SLC9B1: variants seen among roughly 807,000 people sequenced by gnomAD.
SLC9B1 encodes sodium/hydrogen exchanger 9B1.
In SLC9B1, 32 loss-of-function variants were observed where a neutral mutation model predicts 51.7. That is an observed-to-expected ratio of 0.62 (90% CI 0.47 to 0.83). The LOEUF (loss-of-function observed/expected upper bound fraction) is 0.83, where lower values mean the gene tolerates loss of function less well. Ranked by LOEUF, SLC9B1 falls within the 40% of genes least tolerant of loss-of-function variation. The probability of loss-of-function intolerance (pLI) is 0.00; values close to 1 mark genes in which losing one functional copy is unlikely to be tolerated. For missense variants in SLC9B1, 406 were observed against 613.2 expected, an observed-to-expected ratio of 0.66 and a Z score of 3.57; for synonymous variants, 145 against 212.7, an observed-to-expected ratio of 0.68 and a Z score of 2.77.
At chr4:102,963,898 T>C (rs1738277553) in intron 3 of SLC9B1, among the ~76,000 whole-genome samples, 1 of 152,008 alleles carries the variant, frequency 6.6e-6, no homozygotes. Flanking sequence ...CTTAAGACTC[T>C]AGAAAAAGAT....
At chr4:102,995,028 A>T (rs1740142833) in intron 1 of SLC9B1, among the ~76,000 whole-genome samples, 1 of 152,220 alleles carries the variant, frequency 6.6e-6, no homozygotes, top group South Asian at 2.1e-4. Context: ...TAAGGGAGGT[A>T]GGTGAATCAC....
chr4:102,922,908 T>A (rs1735955968), intron 7 of SLC9B1, among the ~76,000 whole-genome samples: 2 of 152,150 alleles, frequency 1.3e-5, no homozygotes, highest in South Asian at 4.1e-4. Context: ...ATTGAGGCAA[T>A]AATTAATAGC....
At chr4:102,896,333 C>T (rs1444941239), downstream of SLC9B1, among the ~76,000 whole-genome samples, 4 of 152,106 alleles carry the variant, frequency 2.6e-5, no homozygotes, top group Admixed American at 2.6e-4. Flanking sequence ...CAGATAAAGC[C>T]CATGTGTGCT....
intron 3 of SLC9B1, among the ~76,000 whole-genome samples, chr4:102,957,782 ATGTGTGTGTGTGTGTG>A (rs199987719): frequency 1.4e-5 from 2 of 146,874 alleles, no homozygotes; most frequent in East Asian, 4.0e-4. Flanking sequence ...ATGTGTGTAT[ATGTGTGTGTGTGTGTG>A]TGTGTGTATT....
intron 7 of SLC9B1, among the ~76,000 whole-genome samples, chr4:102,931,830 C>G (rs1338592996): frequency 6.6e-6 from 1 of 152,150 alleles, no homozygotes; most frequent in Non-Finnish European, 1.5e-5. Flanking sequence ...TGAATTTTTT[C>G]TAATGAGAAC....
chr4:103,007,661 G>T (rs1359241952), intron 1 of SLC9B1, among the ~76,000 whole-genome samples: 1 of 149,946 alleles, frequency 6.7e-6, no homozygotes, highest in Non-Finnish European at 1.5e-5. Context: ...CTGGAGTGCG[G>T]TGGTGTGATC....
At position 102,949,357 on chromosome 4, in the gene SLC9B1, A is replaced by G; in HGVS notation, c.282T>C (p.Asn94=). The G allele has an allele frequency of 6.2e-7, 1 of 1,610,916 alleles. No individual in the cohort carries two copies. Among genetic ancestry groups the G allele is most frequent in the Non-Finnish European group, 8.5e-7 (1 of 1,179,424 alleles). ...ILGSEALPGG[N]LFGLFIIFYS... Reference sequence around the variant, plus strand: ...AAAAAATAATGAACAACCCAAATAAATTTCCACCAGGGAGAGCTTCAGAGC... The same window carrying G: ...AAAAAATAATGAACAACCCAAATAAGTTTCCACCAGGGAGAGCTTCAGAGC... Residue 94 remains asparagine (N), a synonymous_variant, in exon 4 of 12, where the codon AAT becomes AAC. Transcript: ENST00000296422.
At chr4:102,900,325 T>A (rs1734726356), downstream of SLC9B1, among the ~76,000 whole-genome samples, 2 of 152,236 alleles carry the variant, frequency 1.3e-5, no homozygotes, top group Admixed American at 1.3e-4. Context: ...TCAGCCAGAA[T>A]TAAAAGGTAA....
chr4:102,898,086 T>C (rs1301807029), downstream of SLC9B1: 4 of 487,752 alleles, frequency 8.2e-6, no homozygotes, highest in Admixed American at 2.2e-5. Context: ...TGGCATGTTG[T>C]TGGAGATTGG....
chr4:102,905,299 C>A (rs1432352957), intron 11 of SLC9B1, among the ~76,000 whole-genome samples: 1 of 151,984 alleles, frequency 6.6e-6, no homozygotes, highest in Non-Finnish European at 1.5e-5. Context: ...CAGCTTACTG[C>A]AACCTCCGCC....
At chr4:102,914,875 ATCCAAGAG>A (rs1735505817) in intron 7 of SLC9B1, among the ~76,000 whole-genome samples, 1 of 152,258 alleles carries the variant, frequency 6.6e-6, no homozygotes, top group Non-Finnish European at 1.5e-5. Flanking sequence ...GGACATACAA[ATCCAAGAG>A]TCTCAAAGAA....
At chr4:102,939,198 T>G (rs1736868197) in intron 6 of SLC9B1, among the ~76,000 whole-genome samples, 1 of 147,434 alleles carries the variant, frequency 6.8e-6, no homozygotes, top group Non-Finnish European at 1.5e-5. Flanking sequence ...AATGGCAAAG[T>G]GGACGTTACC....
At chr4:102,941,664 C>CCGA (rs1553981712) in intron 6 of SLC9B1, among the ~76,000 whole-genome samples, 1 of 126,724 alleles carries the variant, frequency 7.9e-6, no homozygotes, top group Non-Finnish European at 1.6e-5. Context: ...AAAAAAAACC[C>CCGA]GAGAGAGAGA....
chr4:102,993,122 C>T (rs1740035386), intron 1 of SLC9B1, among the ~76,000 whole-genome samples: 1 of 152,234 alleles, frequency 6.6e-6, no homozygotes, highest in African/African-American at 2.4e-5. Flanking sequence ...CCTCACACTT[C>T]AGAACACAAT....
chr4:102,905,876 CAG>C (rs1324285215), intron 10 of SLC9B1, among the ~76,000 whole-genome samples: 2 of 152,076 alleles, frequency 1.3e-5, no homozygotes, highest in South Asian at 4.1e-4. Context: ...AAAAATAAGA[CAG>C]ATGACATTTA....
intron 3 of SLC9B1, among the ~76,000 whole-genome samples, chr4:102,986,865 T>C (rs1739652131): frequency 6.6e-6 from 1 of 152,166 alleles, no homozygotes; most frequent in African/African-American, 2.4e-5. Flanking sequence ...TTCTTACATG[T>C]TTTCTATTTT....
At chr4:102,898,701 G>T (rs181049984), downstream of SLC9B1, among the ~76,000 whole-genome samples, 6 of 152,228 alleles carry the variant, frequency 3.9e-5, no homozygotes, top group African/African-American at 1.4e-4. Context: ...ACAAAAAGTT[G>T]ATAAGAAACA....
At chr4:102,924,002 A>G (rs988313419) in intron 7 of SLC9B1, among the ~76,000 whole-genome samples, 29 of 152,150 alleles carry the variant, frequency 1.9e-4, no homozygotes, top group Non-Finnish European at 3.5e-4. Context: ...TATAGATTCA[A>G]TGCCATCCCC....
downstream of SLC9B1, chr4:102,898,140 T>A (rs1342116204): frequency 2.0e-6 from 1 of 502,820 alleles, no homozygotes; most frequent in East Asian, 5.5e-5. Flanking sequence ...AGAGCCTCGC[T>A]GTACTAAGGT....
Sources: gnomAD v4.1 joint callset for allele counts (sites outside exome capture counted in the v4.1 genomes callset) on GRCh38, gnomAD v4.1.1 for gene constraint, MANE v1.5 for transcripts, NCBI Gene and HGNC (gene_info 2026-07-23, HGNC 2026-07-21) for gene names.